Variants in NRXN1 observed in about 807,000 individuals in gnomAD.
NRXN1 encodes neurexin-1.
NRXN1 carries 39 observed loss-of-function variants against 150.9 expected under a neutral mutation model. That is an observed-to-expected ratio of 0.26 (90% CI 0.20 to 0.34). The LOEUF is 0.34. NRXN1 is among the 10% of genes least tolerant of loss of function. The probability of loss-of-function intolerance (pLI) is 1.00; values close to 1 mark genes in which losing one functional copy is unlikely to be tolerated. For missense variants in NRXN1, 1,815 were observed against 1,949.9 expected (o/e 0.93, Z 1.30); for synonymous variants, 924 against 757.0 (o/e 1.22, Z -3.62).
At chr2:50,369,188 T>G (rs1030526522) in intron 17 of NRXN1, among the ~76,000 whole-genome samples, 1 of 151,668 alleles carries the variant, frequency 6.6e-6, no homozygotes, top group Non-Finnish European at 1.5e-5. Flanking sequence ...GAGAAAGAGG[T>G]GAGTGGTGAG....
intron 5 of NRXN1, among the ~76,000 whole-genome samples, chr2:50,737,425 G>C (rs561214408): frequency 1.8e-3 from 277 of 152,188 alleles, no homozygotes; most frequent in African/African-American, 6.0e-3. Context: ...TGGGACAGAG[G>C]ATATTATTCT....
intron 2 of NRXN1, among the ~76,000 whole-genome samples, chr2:51,026,216 TCA>T (rs1670436884): frequency 6.6e-6 from 1 of 152,140 alleles, no homozygotes; most frequent in South Asian, 2.1e-4. Flanking sequence ...GCTTTCGAAA[TCA>T]GATTTAATAA....
At chr2:49,937,387 T>G (rs1162444345) in intron 22 of NRXN1, among the ~76,000 whole-genome samples, 2 of 152,210 alleles carry the variant, frequency 1.3e-5, no homozygotes, top group Non-Finnish European at 2.9e-5. Context: ...CCTTGCCTGT[T>G]TAACTTTGTT....
At chr2:50,244,279 T>G (rs1054650875) in intron 17 of NRXN1, among the ~76,000 whole-genome samples, 3 of 151,862 alleles carry the variant, frequency 2.0e-5, no homozygotes, top group African/African-American at 7.2e-5. Context: ...CTGACCTATC[T>G]TGTCAATATC....
At chr2:50,759,468 C>T (rs1005665556) in intron 5 of NRXN1, among the ~76,000 whole-genome samples, 45 of 151,958 alleles carry the variant, frequency 3.0e-4, no homozygotes, top group African/African-American at 9.6e-4. Context: ...TCTTGGTGTA[C>T]GATCTGACGC....
At chr2:50,675,355 G>A (rs747314884) in intron 5 of NRXN1, among the ~76,000 whole-genome samples, 24 of 152,050 alleles carry the variant, frequency 1.6e-4, no homozygotes, top group Non-Finnish European at 2.9e-4. Context: ...CAAGTATTTT[G>A]GGCTGCTAGT....
intron 5 of NRXN1, among the ~76,000 whole-genome samples, chr2:50,797,873 A>G (rs575520586): frequency 6.6e-6 from 1 of 152,346 alleles, no homozygotes; most frequent in South Asian, 2.1e-4. Flanking sequence ...AACTAACTTC[A>G]GTGAAAATGT....
At chr2:50,027,485 A>G (rs1402876758) in intron 21 of NRXN1, among the ~76,000 whole-genome samples, 1 of 149,506 alleles carries the variant, frequency 6.7e-6, no homozygotes, top group Non-Finnish European at 1.5e-5. Context: ...CTTTGTCTCC[A>G]AGGCTGGAGT....
chr2:50,115,113 A>G (rs1702862489), intron 18 of NRXN1, among the ~76,000 whole-genome samples: 1 of 151,170 alleles, frequency 6.6e-6, no homozygotes, highest in South Asian at 2.1e-4. Context: ...GTAGGAGCAG[A>G]GAGTATTTGG....
intron 8 of NRXN1, among the ~76,000 whole-genome samples, chr2:50,603,622 T>C (rs1470192499): frequency 2.0e-5 from 3 of 152,190 alleles, no homozygotes; most frequent in African/African-American, 7.2e-5. Flanking sequence ...CTTAGTGTGA[T>C]ATGCTGGGAC....
intron 18 of NRXN1, among the ~76,000 whole-genome samples, chr2:50,137,101 T>C (rs1033167524): frequency 6.6e-6 from 1 of 152,212 alleles, no homozygotes; most frequent in Non-Finnish European, 1.5e-5. Context: ...GATTTTTTTT[T>C]ACTTGGGGAA....
chr2:50,023,207 T>C (rs1185980805), intron 21 of NRXN1: 1 of 152,208 alleles, frequency 6.6e-6, no homozygotes, highest in Non-Finnish European at 1.5e-5. Context: ...AAGAAAGTCC[T>C]ACTACTTTAC....
At chr2:50,233,095 A>G (rs1276707578) in intron 18 of NRXN1, among the ~76,000 whole-genome samples, 1 of 152,108 alleles carries the variant, frequency 6.6e-6, no homozygotes, top group East Asian at 1.9e-4. Flanking sequence ...CACTCATCCT[A>G]AGCCACAGTA....
intron 18 of NRXN1, among the ~76,000 whole-genome samples, chr2:50,102,986 T>C (rs963652377): frequency 6.6e-5 from 10 of 152,096 alleles, no homozygotes; most frequent in African/African-American, 2.2e-4. Flanking sequence ...GAAAAATAGA[T>C]GGTGAAGCAC....
chr2:50,896,152 G>A (rs1383177382), intron 5 of NRXN1, among the ~76,000 whole-genome samples: 1 of 152,080 alleles, frequency 6.6e-6, no homozygotes, highest in Non-Finnish European at 1.5e-5. Flanking sequence ...TCCTGTTAGA[G>A]AATTGCATAT....
intron 5 of NRXN1, among the ~76,000 whole-genome samples, chr2:50,757,206 C>T (rs1055106307): frequency 1.3e-5 from 2 of 151,534 alleles, no homozygotes; most frequent in African/African-American, 4.8e-5. Flanking sequence ...ATCTTCAGTC[C>T]AGATTTAGGT....
At chr2:50,828,356 G>A (rs1201407110) in intron 5 of NRXN1, among the ~76,000 whole-genome samples, 10 of 150,134 alleles carry the variant, frequency 6.7e-5, no homozygotes, top group Non-Finnish European at 1.0e-4. Context: ...TGGGGCGGCT[G>A]GCCTGGCGGG....
chr2:50,960,785 A>G (rs1693046255), intron 2 of NRXN1, among the ~76,000 whole-genome samples: 1 of 151,930 alleles, frequency 6.6e-6, no homozygotes, highest in Non-Finnish European at 1.5e-5. Flanking sequence ...ACAAGATGTA[A>G]ACGTTTAACC....
At chr2:50,190,633 A>T (rs1453059316) in intron 18 of NRXN1, among the ~76,000 whole-genome samples, 25 of 133,976 alleles carry the variant, frequency 1.9e-4, no homozygotes, top group African/African-American at 6.9e-4. Context: ...TTTTTTTGAG[A>T]CAGAGTTTCA....
Sources: gnomAD v4.1 joint callset for allele counts (sites outside exome capture counted in the v4.1 genomes callset) on GRCh38, gnomAD v4.1.1 for gene constraint, MANE v1.5 for transcripts, NCBI Gene and HGNC (gene_info 2026-07-23, HGNC 2026-07-21) for gene names.